The following PDGFRA variants were observed in gnomAD, a reference collection of about 807,000 sequenced individuals.
The protein encoded by PDGFRA is platelet derived growth factor receptor alpha, also known as platelet-derived growth factor receptor alpha.
A neutral mutation model predicts 121.5 loss-of-function variants in PDGFRA; 25 were observed. The observed-to-expected ratio is 0.21, with a 90% CI of 0.15 to 0.29. The LOEUF (loss-of-function observed/expected upper bound fraction) is 0.29, where lower values mean the gene tolerates loss of function less well. Ranked by LOEUF, PDGFRA falls within the 10% of genes least tolerant of loss-of-function variation. The pLI is 1.00. For missense variants in PDGFRA, 1,008 were observed against 1,345.1 expected, an observed-to-expected ratio of 0.75 and a Z score of 3.92; for synonymous variants, 463 against 494.8, an observed-to-expected ratio of 0.94 and a Z score of 0.85.
intron 12 of PDGFRA, among the ~76,000 whole-genome samples, chr4:54,275,175 CA>C (rs1379807415): frequency 6.6e-6 from 1 of 152,050 alleles, no homozygotes; most frequent in African/African-American, 2.4e-5. Context: ...CTTTCCATAA[CA>C]AATTATAGTT....
chr4:54,258,917 C>CA, intron 2 of PDGFRA, 100 bp downstream of exon 2: 4 of 929,926 alleles, frequency 4.3e-6, no homozygotes, highest in Non-Finnish European at 7.0e-6. Context: ...ATACACAGTC[C>CA]AAAAGAGTGA....
At chr4:54,271,264 C>T (rs773042515) in intron 8 of PDGFRA, among the ~76,000 whole-genome samples, 3 of 152,164 alleles carry the variant, frequency 2.0e-5, no homozygotes, top group Non-Finnish European at 4.4e-5. Context: ...GGCTCAGCAC[C>T]TATCCAGAGT....
chr4:54,289,794 C>T (rs1724534895), intron 21 of PDGFRA, among the ~76,000 whole-genome samples: 1 of 152,226 alleles, frequency 6.6e-6, no homozygotes, highest in African/African-American at 2.4e-5. Context: ...ACAACTTTCA[C>T]AGGTGAGGCA....
chr4:54,229,709 A>G (rs1360793370), intron 1 of PDGFRA: 1 of 187,672 alleles, frequency 5.3e-6, no homozygotes, highest in Admixed American at 6.1e-5. Flanking sequence ...TCCCAAAGAA[A>G]TTGTTTAGGC....
At chr4:54,281,183 G>A (rs989002651) in intron 16 of PDGFRA, among the ~76,000 whole-genome samples, 7 of 152,164 alleles carry the variant, frequency 4.6e-5, no homozygotes, top group Admixed American at 3.9e-4. Context: ...TCTGCTCAGG[G>A]TGGTTCCTCC....
At chr4:54,288,399 G>C (rs1332302078) in intron 19 of PDGFRA, among the ~76,000 whole-genome samples, 3 of 152,174 alleles carry the variant, frequency 2.0e-5, no homozygotes, top group Non-Finnish European at 4.4e-5. Context: ...TAAAAGCAGA[G>C]AGGCCACAAC....
chr4:54,261,426 G>A lies in PDGFRA; in HGVS notation c.367+14G>A, dbSNP rs1413506403. 1 of 1,600,444 alleles carries A rather than the reference G, an allele frequency of 6.2e-7. No homozygotes were observed. The highest frequency in any genetic ancestry group is 1.7e-5 in the Admixed American group (1 of 59,986). On this transcript the variant is annotated intron_variant, in intron 3 of 22. Coordinates refer to ENST00000257290, the MANE Select transcript of PDGFRA (RefSeq NM_006206.6). ...TCTATGTGCCAGGTGAGTTGGCTGG[G>A]TCTCCAGGACCAAGCTTCTTCTCTT...
intron 12 of PDGFRA, among the ~76,000 whole-genome samples, chr4:54,276,986 G>A (rs1421155496): frequency 6.6e-6 from 1 of 152,170 alleles, no homozygotes; most frequent in Non-Finnish European, 1.5e-5. Flanking sequence ...CCAGTGGCTA[G>A]TAATTTACTA....
At chr4:54,260,589 G>A (rs1039875824) in intron 2 of PDGFRA, among the ~76,000 whole-genome samples, 22 of 151,002 alleles carry the variant, frequency 1.5e-4, no homozygotes, top group African/African-American at 4.9e-4. Context: ...TTTATTTTTT[G>A]TGGAGACCAG....
chr4:54,236,216 T>C (rs1720997233), intron 1 of PDGFRA, among the ~76,000 whole-genome samples: 1 of 152,244 alleles, frequency 6.6e-6, no homozygotes, highest in South Asian at 2.1e-4. Flanking sequence ...AGGGGGTTGT[T>C]CTCACGGATT....
rs1360817741 is a variant in PDGFRA at position 54,288,775 on chromosome 4, G to A, written c.2675-24G>A. ...AATGCACTGAGCGTTTGTTAGTCCT[G>A]GTGTTTTATTGTTTGGCTTTTAGGT... On this transcript the variant is annotated intron_variant, in intron 19 of 22. Transcript: ENST00000257290. The A allele has an allele frequency of 5.4e-6, 7 of 1,304,240 alleles. No individual in the cohort carries two copies. The South Asian group carries it at 8.2e-5, about 15-fold the overall frequency. 80.8% of individuals were successfully genotyped at this position (1,304,240 alleles called of 1,614,324 possible).
chr4:54,288,913 C>T lies in PDGFRA; in HGVS notation c.2774+15C>T, dbSNP rs1285088658. ...ACCAGTGAAGTGTGAGCTCCTTCCC[C>T]ATCCCGGGGGCCTGTGTTCACAGTC... On this transcript the variant is annotated intron_variant, in intron 20 of 22. Coordinates refer to ENST00000257290, the MANE Select transcript of PDGFRA (RefSeq NM_006206.6). The T allele has an allele frequency of 6.3e-7, 1 of 1,582,858 alleles. No homozygotes were observed. Among genetic ancestry groups the T allele is most frequent in the African/African-American group, 1.3e-5 (1 of 74,318 alleles).
intron 22 of PDGFRA, among the ~76,000 whole-genome samples, chr4:54,293,677 G>A (rs1055195217): frequency 6.6e-5 from 10 of 151,956 alleles, no homozygotes; most frequent in Admixed American, 1.3e-4. Flanking sequence ...GTGATCTGCC[G>A]GTCTCGGCCT....
Position 54,261,111 on chromosome 4 carries a change from C to T in PDGFRA, c.66C>T (p.Leu22=). ...GCLLTGLSLI[L]CQLSLPSILP... ...CTTTTGCAGGGCTGAGCCTAATCCTCTGCCAGCTTTCATTACCCTCTATCC... is the reference window on the plus strand; with the variant it reads ...CTTTTGCAGGGCTGAGCCTAATCCTTTGCCAGCTTTCATTACCCTCTATCC... Residue 22 remains leucine, a synonymous_variant, in exon 3 of 23, where the codon CTC becomes CTT. Transcript: ENST00000257290. 6.2e-7 allele frequency: 1 copy of T among 1,614,202 alleles called. No individual in the cohort carries two copies. Among genetic ancestry groups the T allele is most frequent in the Non-Finnish European group, 8.5e-7 (1 of 1,180,008 alleles).
intron 1 of PDGFRA, among the ~76,000 whole-genome samples, chr4:54,248,185 T>C (rs1721810167): frequency 6.6e-6 from 1 of 152,192 alleles, no homozygotes; most frequent in Non-Finnish European, 1.5e-5. Context: ...AAGCTACCAA[T>C]GACTTTCTTC....
At position 54,294,973 on chromosome 4, in the gene PDGFRA, T is replaced by C; in HGVS notation, c.3123-152T>C. The C allele has an allele frequency of 3.9e-6, 3 of 767,728 alleles. No individual in the cohort carries two copies. The East Asian group carries it at 7.8e-5, about 20-fold the overall frequency. 47.6% of individuals were successfully genotyped at this position (767,728 alleles called of 1,614,324 possible). A position where few individuals can be genotyped will look rare whatever the true frequency, so the allele number is the denominator to read the frequency against. On this transcript the variant is annotated intron_variant, in intron 22 of 22. Transcript: ENST00000257290. ...GTGGACCTTGGTTTTCCACGTGGCC[T>C]ACCACAGCATGTCAGGCCTGGGGGC...
At chr4:54,289,136 G>T in intron 21 of PDGFRA, 22 bp downstream of exon 21, 1 of 1,323,676 alleles carries the variant, frequency 7.6e-7, no homozygotes, top group Non-Finnish European at 1.1e-6. Context: ...TCTGTGGGTG[G>T]AAAGGTCTGG....
chr4:54,278,395 A>C lies in PDGFRA; in HGVS notation c.2036A>C (p.Tyr679Ser), dbSNP rs772617321. ...TACATCATCACAGAGTATTGCTTCTATGGAGATTTGGTCAACTATTTGCAT... is the reference window on the plus strand; with the variant it reads ...TACATCATCACAGAGTATTGCTTCTCTGGAGATTTGGTCAACTATTTGCAT... ...PIYIITEYCF[Y>S]GDLVNYLHKN... The change falls in exon 15 of 23, where the codon TAT (tyrosine) becomes TCT (serine). Residue 679 changes from tyrosine to serine, a missense_variant. Transcript: ENST00000257290. The C allele has an allele frequency of 6.2e-7, 1 of 1,613,666 alleles. No individual in the cohort carries two copies.
chr4:54,285,759 A>G lies in PDGFRA; in HGVS notation c.2440-82A>G, dbSNP rs750824576. The G allele has an allele frequency of 3.4e-4, 501 of 1,467,232 alleles. 2 individuals carry two copies. The highest frequency in any genetic ancestry group is 4.4e-4 in the Non-Finnish European group (469 of 1,054,900). 90.9% of individuals were successfully genotyped at this position (1,467,232 alleles called of 1,614,324 possible). The stretch of plus-strand genomic sequence containing the variant: ...CAGGCAGACAGCTCCAAGTGCCACC[A>G]TGGATCAGCCAGTCTTGCAGGGGTG... On this transcript the variant is annotated intron_variant, in intron 17 of 22. Coordinates refer to ENST00000257290, the MANE Select transcript of PDGFRA (RefSeq NM_006206.6).
Sources: gnomAD v4.1 joint callset for allele counts (sites outside exome capture counted in the v4.1 genomes callset) on GRCh38, gnomAD v4.1.1 for gene constraint, MANE v1.5 for transcripts, NCBI Gene and HGNC (gene_info 2026-07-23, HGNC 2026-07-21) for gene names.